TMEM135: variants seen among roughly 807,000 people sequenced by gnomAD.
The protein encoded by TMEM135 is transmembrane protein 135.
TMEM135 carries 30 observed loss-of-function variants against 60.3 expected under a neutral mutation model. That is an observed-to-expected ratio of 0.50 (90% CI 0.37 to 0.68). The LOEUF (loss-of-function observed/expected upper bound fraction) is 0.68. Ranked by LOEUF, TMEM135 falls within the 30% of genes least tolerant of loss-of-function variation. The pLI is 0.00. For synonymous variants in TMEM135, 190 were observed against 186.7 expected, an observed-to-expected ratio of 1.02 and a Z score of -0.14; for missense variants, 468 against 548.8, an observed-to-expected ratio of 0.85 and a Z score of 1.47.
chr11:87,182,135 CT>C (rs1437311870), intron 5 of TMEM135, among the ~76,000 whole-genome samples: 1 of 151,754 alleles, frequency 6.6e-6, no homozygotes, highest in Non-Finnish European at 1.5e-5. Flanking sequence ...TACTTATTGC[CT>C]TTTCATGAAA....
At chr11:87,224,187 CTTG>C (rs745986357) in intron 5 of TMEM135, among the ~76,000 whole-genome samples, 7 of 152,274 alleles carry the variant, frequency 4.6e-5, no homozygotes, top group Non-Finnish European at 8.8e-5. Context: ...ATATGTCCTA[CTTG>C]TTGTTGATGG....
chr11:87,291,379 T>C (rs1393423845), intron 6 of TMEM135, among the ~76,000 whole-genome samples: 1 of 152,084 alleles, frequency 6.6e-6, no homozygotes, highest in South Asian at 2.1e-4. Flanking sequence ...GTTTAAACCA[T>C]TGAGAATTTC....
intron 6 of TMEM135, among the ~76,000 whole-genome samples, chr11:87,248,032 A>ATAG (rs71040301): frequency 1.3e-5 from 2 of 149,070 alleles, no homozygotes; most frequent in Admixed American, 1.3e-4. Context: ...AAAAAAAAAA[A>ATAG]AAAAAGAAAA....
intron 1 of TMEM135, among the ~76,000 whole-genome samples, chr11:87,049,534 G>C: frequency 7.9e-6 from 1 of 126,206 alleles, no homozygotes; most frequent in Admixed American, 7.9e-5. Flanking sequence ...TGATAAAACA[G>C]ACTTTAAACC....
intron 5 of TMEM135, among the ~76,000 whole-genome samples, chr11:87,213,467 A>G (rs1032934915): frequency 1.3e-5 from 2 of 152,210 alleles, no homozygotes; most frequent in African/African-American, 2.4e-5. Context: ...ATTTGCTTCT[A>G]GAGTCAGTGA....
chr11:87,153,882 A>G (rs575383802), intron 4 of TMEM135, among the ~76,000 whole-genome samples: 6 of 152,378 alleles, frequency 3.9e-5, no homozygotes, highest in East Asian at 1.9e-4. Flanking sequence ...TTTAGATACA[A>G]TCCTAAAGAA....
intron 6 of TMEM135, among the ~76,000 whole-genome samples, chr11:87,240,397 A>T (rs1941103556): frequency 6.6e-6 from 1 of 151,884 alleles, no homozygotes; most frequent in South Asian, 2.1e-4. Flanking sequence ...ATATTTAAAA[A>T]CTTTTTAGAA....
At chr11:87,135,333 A>G (rs1300203116) in intron 4 of TMEM135, among the ~76,000 whole-genome samples, 1 of 151,928 alleles carries the variant, frequency 6.6e-6, no homozygotes, top group Non-Finnish European at 1.5e-5. Context: ...TTTCTGCTAT[A>G]TTTTCTTACT....
chr11:87,061,948 C>A (rs1949951200), intron 1 of TMEM135, among the ~76,000 whole-genome samples: 1 of 152,136 alleles, frequency 6.6e-6, no homozygotes, highest in African/African-American at 2.4e-5. Flanking sequence ...CTTATTGCTG[C>A]CTGTCTTTTG....
chr11:87,151,073 T>C (rs1404052940), intron 4 of TMEM135, among the ~76,000 whole-genome samples: 1 of 152,132 alleles, frequency 6.6e-6, no homozygotes. Context: ...CCGGGTTGTT[T>C]TGATTCCTGT....
At chr11:87,125,624 G>C (rs1786453592) in intron 4 of TMEM135, among the ~76,000 whole-genome samples, 1 of 152,160 alleles carries the variant, frequency 6.6e-6, no homozygotes, top group African/African-American at 2.4e-5. Flanking sequence ...GATATTGTAG[G>C]CTGTGGTAAA....
chr11:87,116,269 A>G (rs560417387), intron 4 of TMEM135, among the ~76,000 whole-genome samples: 28 of 152,310 alleles, frequency 1.8e-4, no homozygotes, highest in Admixed American at 1.8e-3. Context: ...CTTTATAAAC[A>G]TAGTTTTACT....
At chr11:87,310,819 C>G (rs1403422491) in intron 10 of TMEM135, among the ~76,000 whole-genome samples, 1 of 151,700 alleles carries the variant, frequency 6.6e-6, no homozygotes, top group Non-Finnish European at 1.5e-5. Flanking sequence ...TCACAAATTG[C>G]TCACTTTTGC....
At chr11:87,051,431 C>A (rs1466965626) in intron 1 of TMEM135, among the ~76,000 whole-genome samples, 1 of 48,250 alleles carries the variant, frequency 2.1e-5, no homozygotes, top group Non-Finnish European at 3.1e-5. Context: ...TGTCTCAGCC[C>A]AAAATCTCCT....
rs185292733 is a variant in TMEM135 at position 87,324,728 on chromosome 11, G to C, written c.*3395G>C. 3.5e-5 allele frequency: 16 copies of C among 453,902 alleles called. No homozygotes were observed. In the Admixed American group the frequency reaches 3.8e-4, roughly 11 times the overall value. The allele number at this position is 453,902 out of a possible 1,614,324, so 28.1% of individuals were successfully genotyped here. A position where few individuals can be genotyped will look rare whatever the true frequency, so the allele number is the denominator to read the frequency against. On this transcript the variant is annotated 3_prime_UTR_variant, in exon 15 of 15. Transcript: ENST00000305494. Reference sequence around the variant, plus strand: ...TTCCAGGTGTGAGCCACGGTACCTAGCCATATTTTTATTTGTATGAGTATT... The same window carrying C: ...TTCCAGGTGTGAGCCACGGTACCTACCCATATTTTTATTTGTATGAGTATT...
At chr11:87,257,399 G>A (rs1367644957) in intron 6 of TMEM135, among the ~76,000 whole-genome samples, 1 of 152,130 alleles carries the variant, frequency 6.6e-6, no homozygotes, top group Non-Finnish European at 1.5e-5. Flanking sequence ...AGACACTATA[G>A]TGTAGTTGAG....
chr11:87,039,711 C>T (rs1346172170), intron 1 of TMEM135, among the ~76,000 whole-genome samples: 1 of 152,146 alleles, frequency 6.6e-6, no homozygotes, highest in Non-Finnish European at 1.5e-5. Context: ...TGATATACAA[C>T]TATAGAAAAG....
intron 1 of TMEM135, among the ~76,000 whole-genome samples, chr11:87,054,433 A>C (rs1035231483): frequency 1.3e-5 from 2 of 151,748 alleles, no homozygotes; most frequent in Non-Finnish European, 1.5e-5. Context: ...ACTCTGTCTC[A>C]AAAAAGAAAA....
intron 3 of TMEM135, among the ~76,000 whole-genome samples, chr11:87,085,854 C>G (rs1277905340): frequency 6.6e-6 from 1 of 152,182 alleles, no homozygotes. Flanking sequence ...GTCAGATGAA[C>G]TGACTCTGAA....
Sources: allele counts gnomAD v4.1 joint callset (sites outside exome capture counted in the v4.1 genomes callset), GRCh38; gene constraint gnomAD v4.1.1; transcripts MANE v1.5; gene names NCBI Gene and HGNC (gene_info 2026-07-23, HGNC 2026-07-21).